Variants in HTR2C observed in about 807,000 individuals in gnomAD.
HTR2C encodes 5-hydroxytryptamine receptor 2C, also known as 5-hydroxytryptamine (serotonin) receptor 2C, G protein-coupled.
A neutral mutation model predicts 21.0 loss-of-function variants in HTR2C; 5 were observed. The observed-to-expected ratio is 0.24, with a 90% CI of 0.12 to 0.50. HTR2C has a LOEUF of 0.50. Ranked by LOEUF, HTR2C falls within the 20% of genes least tolerant of loss-of-function variation. HTR2C has a pLI of 0.98. For synonymous variants in HTR2C, 150 were observed against 145.3 expected, an observed-to-expected ratio of 1.03 and a Z score of -0.23; for missense variants, 271 against 371.2, an observed-to-expected ratio of 0.73 and a Z score of 2.22.
At chrX:114,883,735 C>T (rs1226254971) in intron 5 of HTR2C, among the ~76,000 whole-genome samples, 5 of 110,175 alleles carry the variant, frequency 4.5e-5, no homozygotes, top group African/African-American at 9.8e-5. Flanking sequence ...ATTACTAAAT[C>T]GAGCTAATGG....
At chrX:114,745,612 T>C (rs1359149458) in intron 4 of HTR2C, among the ~76,000 whole-genome samples, 1 of 112,241 alleles carries the variant, frequency 8.9e-6, no homozygotes, top group Non-Finnish European at 1.9e-5. Context: ...AATGGAGTAC[T>C]ATTTAGCCAT....
intron 2 of HTR2C, among the ~76,000 whole-genome samples, chrX:114,716,587 A>C (rs1933001949): frequency 8.9e-6 from 1 of 111,867 alleles, no homozygotes; most frequent in African/African-American, 3.2e-5. Flanking sequence ...TTGAATAATC[A>C]CTGGTGGAAG....
At chrX:114,836,194 C>T (rs1249611945) in intron 4 of HTR2C, among the ~76,000 whole-genome samples, 1 of 110,299 alleles carries the variant, frequency 9.1e-6, no homozygotes, top group Non-Finnish European at 1.9e-5. Context: ...GTGGAGCCTA[C>T]AGAGGCAGGC....
chrX:114,715,603 C>T (rs782503791), intron 2 of HTR2C, among the ~76,000 whole-genome samples: 2 of 111,764 alleles, frequency 1.8e-5, no homozygotes, highest in South Asian at 3.7e-4. Flanking sequence ...TGACACTTGT[C>T]GTGTACTTAA....
rs781983610 is a variant in HTR2C at position 114,618,064 on chromosome X, TC to T, written c.-80+4185del. 3.3e-4 allele frequency among the ~76,000 whole-genome samples: 37 copies of T among 112,334 alleles called. No homozygotes were observed. In the East Asian group the frequency reaches 0.01, roughly 30 times the overall value. On this transcript the variant is annotated intron_variant, in intron 2 of 5. Transcript: ENST00000276198. ...TTTTGTTAATCAAAAATTTAAATGA[TC>T]CTTTATAATTATCAGTTGAAGTCAA...
chrX:114,796,238 A>G (rs1556445243), intron 4 of HTR2C, among the ~76,000 whole-genome samples: 1 of 111,596 alleles, frequency 9.0e-6, no homozygotes, highest in African/African-American at 3.2e-5. Context: ...TGTTGGGTAT[A>G]GGAAAACCGC....
intron 2 of HTR2C, among the ~76,000 whole-genome samples, chrX:114,652,971 T>C (rs1930639990): frequency 2.2e-5 from 1 of 46,040 alleles, no homozygotes; most frequent in African/African-American, 7.2e-5. Flanking sequence ...TGAGCGAATA[T>C]ATAAATATTA....
At position 114,906,787 on chromosome X, in the gene HTR2C, A is replaced by G. The variant is rs781957274; in HGVS notation, c.749A>G (p.His250Arg). Residue 250 changes from histidine (H) to arginine (R), a missense_variant, in exon 6 of 6, where the codon CAC becomes CGC. Physicochemically the swap from His to Arg is conservative, Grantham distance 29 (BLOSUM62 0). Around this residue, in one of 5 missense-constraint regions of HTR2C, gnomAD observed 192 missense variants for 247.2 expected, o/e 0.78. Transcript: ENST00000276198. ...VLRRQALMLL[H>R]GHTEEPPGLS... Reference sequence around the variant, plus strand: ...CGCCGACAAGCTTTGATGTTACTGCACGGCCACACCGAGGAACCGCCTGGA... The same window carrying G: ...CGCCGACAAGCTTTGATGTTACTGCGCGGCCACACCGAGGAACCGCCTGGA... The G allele has an allele frequency of 1.3e-5, 16 of 1,208,802 alleles. No homozygotes were observed. The Admixed American group carries it at 1.5e-4, about 12-fold the overall frequency.
rs782383804 is a variant in HTR2C, at chrX:114,906,850, C to T, written c.812C>T (p.Thr271Met). 9.9e-6 allele frequency: 12 copies of T among 1,208,523 alleles called. No individual in the cohort carries two copies. The African/African-American group carries it at 1.1e-4, about 11-fold the overall frequency. The change falls in exon 6 of 6, where the codon ACG (threonine) becomes ATG (methionine). Residue 271 changes from threonine (T) to methionine (M), a missense_variant. Thr to Met is a moderately conservative substitution (Grantham distance 81). Coordinates refer to ENST00000276198, the MANE Select transcript of HTR2C (RefSeq NM_000868.4). The part of the protein sequence containing the change: ...LDFLKCCKRN[T>M]AEEENSANPN... ...TTCCTGAAGTGCTGCAAGAGGAATACGGCCGAGGAAGAGAACTCTGCAAAC... is the reference window on the plus strand; with the variant it reads ...TTCCTGAAGTGCTGCAAGAGGAATATGGCCGAGGAAGAGAACTCTGCAAAC...
intron 2 of HTR2C, among the ~76,000 whole-genome samples, chrX:114,652,084 A>G (rs1371230155): frequency 1.8e-5 from 2 of 111,221 alleles, no homozygotes; most frequent in Admixed American, 9.6e-5. Context: ...TAACCCATTT[A>G]TTTAAAATTT....
At chrX:114,861,890 C>T (rs1274517478) in intron 5 of HTR2C, among the ~76,000 whole-genome samples, 1 of 111,534 alleles carries the variant, frequency 9.0e-6, no homozygotes, top group East Asian at 2.8e-4. Context: ...AACCCTTTAA[C>T]AGATATATGG....
At chrX:114,804,992 A>G (rs2070387625) in intron 4 of HTR2C, among the ~76,000 whole-genome samples, 1 of 111,824 alleles carries the variant, frequency 8.9e-6, no homozygotes, top group South Asian at 3.7e-4. Context: ...ATGTCAAAGA[A>G]AAAGGAAACC....
In HTR2C at chrX:114,873,484, A is replaced by G. The variant is rs1422569504; in HGVS notation, c.550+25281A>G. Among the ~76,000 whole-genome samples, 20 of 111,260 alleles carry G rather than the reference A, an allele frequency of 1.8e-4. 1 individual carries two copies. The highest frequency in any genetic ancestry group is 1.5e-3 in the Admixed American group (16 of 10,416). Reference sequence around the variant, plus strand: ...CCCTTGATTATGTTATCTTTTTCTCATGAGTACTAAATATTGTTCTAATTA... The same window carrying G: ...CCCTTGATTATGTTATCTTTTTCTCGTGAGTACTAAATATTGTTCTAATTA... On this transcript the variant is annotated intron_variant, in intron 5 of 5. Coordinates refer to ENST00000276198, the MANE Select transcript of HTR2C (RefSeq NM_000868.4).
chrX:114,678,771 C>A (rs782316106), intron 2 of HTR2C, among the ~76,000 whole-genome samples: 1 of 111,333 alleles, frequency 9.0e-6, no homozygotes, highest in East Asian at 2.8e-4. Context: ...TCCCACCCCC[C>A]ATTCAGTTTC....
rs782669159 is a variant in HTR2C at position 114,606,484 on chromosome X, G to A, written c.-146-7331G>A. On this transcript the variant is annotated intron_variant, in intron 1 of 5. Transcript: ENST00000276198. ...GCTGCCTTCCCAGTCCGTGACCGGCGCCGGAGTTTTGGGTCCACGGATAAA... is the reference window on the plus strand; with the variant it reads ...GCTGCCTTCCCAGTCCGTGACCGGCACCGGAGTTTTGGGTCCACGGATAAA... 4.5e-5 allele frequency among the ~76,000 whole-genome samples: 5 copies of A among 111,473 alleles called. No individual in the cohort carries two copies. The South Asian group carries it at 1.2e-3, about 26-fold the overall frequency.
intron 1 of HTR2C, among the ~76,000 whole-genome samples, chrX:114,603,600 C>T (rs1928245272): frequency 1.1e-5 from 1 of 91,314 alleles, no homozygotes; most frequent in Non-Finnish European, 2.1e-5. Flanking sequence ...AGAATTATGC[C>T]GAGATAGGTA....
intron 4 of HTR2C, among the ~76,000 whole-genome samples, chrX:114,761,873 CTA>C (rs1168476168): frequency 0.03 from 464 of 15,666 alleles, 16 homozygotes; most frequent in Admixed American, 0.051. Flanking sequence ...CTCTCTCTCT[CTA>C]TATATATATA....
intron 5 of HTR2C, among the ~76,000 whole-genome samples, chrX:114,899,605 C>A (rs181882128): frequency 9.0e-6 from 1 of 111,276 alleles, no homozygotes; most frequent in East Asian, 2.8e-4. Context: ...TCACCGCTTC[C>A]CTTGACTGGA....
intron 4 of HTR2C, chrX:114,823,324 G>A: frequency 3.2e-6 from 1 of 314,944 alleles, no homozygotes; most frequent in Non-Finnish European, 6.2e-6. Flanking sequence ...ATCACAACCA[G>A]TTCATCAGGA....
Sources: gnomAD v4.1 joint callset for allele counts (sites outside exome capture counted in the v4.1 genomes callset) on GRCh38, gnomAD v4.1.1 for gene constraint, gnomAD v4.1.1 regional missense constraint, MANE v1.5 for transcripts, NCBI Gene and HGNC (gene_info 2026-07-23, HGNC 2026-07-21) for gene names.